Variants in SPOCK3 observed in about 807,000 individuals in gnomAD.
SPOCK3 encodes testican-3.
In SPOCK3, 30 loss-of-function variants were observed where a neutral mutation model predicts 56.6. That is an observed-to-expected ratio of 0.53 (90% CI 0.40 to 0.72). The LOEUF is 0.72. Among genes scored for constraint, SPOCK3 ranks in the 30% least tolerant of loss-of-function variants. SPOCK3 has a pLI of 0.00. For synonymous variants in SPOCK3, 196 were observed against 183.3 expected, an observed-to-expected ratio of 1.07 and a Z score of -0.56; for missense variants, 527 against 530.0, an observed-to-expected ratio of 0.99 and a Z score of 0.06.
At chr4:167,150,338 G>A (rs1450346321) in intron 2 of SPOCK3, among the ~76,000 whole-genome samples, 4 of 151,970 alleles carry the variant, frequency 2.6e-5, no homozygotes, top group African/African-American at 9.7e-5. Flanking sequence ...TTAAATACTA[G>A]AGGAGTTTGG....
chr4:166,994,304 G>A (rs1029235873), intron 4 of SPOCK3, among the ~76,000 whole-genome samples: 3 of 152,148 alleles, frequency 2.0e-5, no homozygotes, highest in Admixed American at 2.0e-4. Flanking sequence ...ATCGCAGAAA[G>A]TACCATTTGT....
intron 8 of SPOCK3, among the ~76,000 whole-genome samples, chr4:166,751,617 C>T (rs72982165): frequency 4.3e-4 from 66 of 152,200 alleles, no homozygotes; most frequent in African/African-American, 1.5e-3. Flanking sequence ...TTTATACTTT[C>T]ACAGGGCTAT....
intron 3 of SPOCK3, among the ~76,000 whole-genome samples, chr4:167,051,352 G>A (rs1470399287): frequency 6.6e-6 from 1 of 152,114 alleles, no homozygotes; most frequent in Non-Finnish European, 1.5e-5. Context: ...TATGTCCAGA[G>A]TTTTTTCAAT....
At chr4:166,898,017 C>A (rs189312119) in intron 5 of SPOCK3, among the ~76,000 whole-genome samples, 44 of 151,790 alleles carry the variant, frequency 2.9e-4, no homozygotes, top group Admixed American at 1.4e-3. Flanking sequence ...ATAGTGAGAT[C>A]CCATCTCTAC....
chr4:166,793,166 T>C (rs1283078923), intron 6 of SPOCK3, among the ~76,000 whole-genome samples: 1 of 152,172 alleles, frequency 6.6e-6, no homozygotes, highest in Non-Finnish European at 1.5e-5. Context: ...TGCAATTTCC[T>C]CAACTAACAA....
chr4:167,221,238 C>A (rs1735884732), intron 2 of SPOCK3, among the ~76,000 whole-genome samples: 1 of 151,838 alleles, frequency 6.6e-6, no homozygotes, highest in Non-Finnish European at 1.5e-5. Flanking sequence ...CATGGTGGTA[C>A]ATGCCTGTAG....
At chr4:167,036,517 AG>A (rs551749141) in intron 3 of SPOCK3, among the ~76,000 whole-genome samples, 32 of 152,364 alleles carry the variant, frequency 2.1e-4, no homozygotes, top group African/African-American at 7.7e-4. Flanking sequence ...TTAGTTATTT[AG>A]GATCATTTTA....
At chr4:166,834,827 ATC>A (rs1746444374) in intron 6 of SPOCK3, among the ~76,000 whole-genome samples, 2 of 151,864 alleles carry the variant, frequency 1.3e-5, no homozygotes, top group Admixed American at 1.3e-4. Context: ...CATCTTTTTT[ATC>A]TCTCTTTTAA....
At chr4:166,945,611 A>G (rs1741628468) in intron 4 of SPOCK3, among the ~76,000 whole-genome samples, 1 of 151,990 alleles carries the variant, frequency 6.6e-6, no homozygotes, top group African/African-American at 2.4e-5. Context: ...CTCCTAATCA[A>G]TCTGTGTCCT....
chr4:166,926,728 T>C (rs562994001), intron 4 of SPOCK3, among the ~76,000 whole-genome samples: 2 of 152,170 alleles, frequency 1.3e-5, no homozygotes, highest in African/African-American at 4.8e-5. Context: ...TAGGTATGTA[T>C]GGAATAATTA....
intron 2 of SPOCK3, among the ~76,000 whole-genome samples, chr4:167,163,315 T>A (rs1261575898): frequency 6.6e-6 from 1 of 151,940 alleles, no homozygotes; most frequent in Non-Finnish European, 1.5e-5. Context: ...TTTTTATGGG[T>A]ACATAGTAGG....
At chr4:167,123,130 C>T (rs1330586184) in intron 2 of SPOCK3, among the ~76,000 whole-genome samples, 1 of 151,782 alleles carries the variant, frequency 6.6e-6, no homozygotes, top group Non-Finnish European at 1.5e-5. Context: ...AGAAGCATAA[C>T]ATTGAGTGAG....
At position 166,737,699 on chromosome 4, in the gene SPOCK3, T is replaced by C. The variant is rs1734358679; in HGVS notation, c.995-95A>G. 9 of 1,335,894 alleles carry C rather than the reference T, an allele frequency of 6.7e-6. No individual in the cohort carries two copies. In the South Asian group the frequency reaches 1.0e-4, roughly 15 times the overall value. 82.8% of individuals were successfully genotyped at this position (1,335,894 alleles called of 1,614,324 possible). A position where few individuals can be genotyped will look rare whatever the true frequency, so the allele number is the denominator to read the frequency against. ...GAAGCACCCATTATGCATTAATGCATTAAAGACTTACACATATGGAGTGTC... is the reference window on the plus strand; with the variant it reads ...GAAGCACCCATTATGCATTAATGCACTAAAGACTTACACATATGGAGTGTC... On this transcript the variant is annotated intron_variant, in intron 9 of 10. Transcript: ENST00000357545.
At chr4:167,094,699 T>G (rs1200268658) in intron 2 of SPOCK3, among the ~76,000 whole-genome samples, 1 of 152,152 alleles carries the variant, frequency 6.6e-6, no homozygotes, top group Non-Finnish European at 1.5e-5. Flanking sequence ...CTAGACACTT[T>G]CCTTTTAAGA....
At chr4:166,972,447 A>T (rs762999703) in intron 4 of SPOCK3, among the ~76,000 whole-genome samples, 1 of 152,116 alleles carries the variant, frequency 6.6e-6, no homozygotes, top group Non-Finnish European at 1.5e-5. Context: ...TGACAAGCAC[A>T]TCAAAAAGAA....
At chr4:166,875,450 G>A (rs1173582718) in intron 6 of SPOCK3, among the ~76,000 whole-genome samples, 1 of 151,994 alleles carries the variant, frequency 6.6e-6, no homozygotes. Context: ...AATGATCAAA[G>A]CGTTCACATA....
intron 4 of SPOCK3, among the ~76,000 whole-genome samples, chr4:166,981,102 C>G (rs1486769139): frequency 6.6e-6 from 1 of 152,200 alleles, no homozygotes; most frequent in Non-Finnish European, 1.5e-5. Flanking sequence ...TGGGTAGCTC[C>G]TTTCTGCAGG....
At chr4:166,825,573 A>G (rs1307012247) in intron 6 of SPOCK3, among the ~76,000 whole-genome samples, 1 of 152,124 alleles carries the variant, frequency 6.6e-6, no homozygotes, top group Non-Finnish European at 1.5e-5. Context: ...TACATGAAAA[A>G]GACACCTGCA....
intron 2 of SPOCK3, among the ~76,000 whole-genome samples, chr4:167,144,301 T>G (rs916036610): frequency 4.6e-5 from 7 of 151,968 alleles, no homozygotes; most frequent in African/African-American, 1.7e-4. Context: ...TCAACTATAC[T>G]AAAAATATCC....
Sources: allele counts gnomAD v4.1 joint callset (sites outside exome capture counted in the v4.1 genomes callset), GRCh38; gene constraint gnomAD v4.1.1; transcripts MANE v1.5; gene names NCBI Gene and HGNC (gene_info 2026-07-23, HGNC 2026-07-21).